The following SH3RF3 variants were observed in gnomAD, a reference collection of about 807,000 sequenced individuals.
SH3RF3 encodes SH3 domain containing ring finger 3.
SH3RF3 carries 29 observed loss-of-function variants against 66.3 expected under a neutral mutation model. The observed-to-expected ratio is 0.44, with a 90% CI of 0.33 to 0.60. The LOEUF is 0.60. Ranked by LOEUF, SH3RF3 falls within the 20% of genes least tolerant of loss-of-function variation. The probability of loss-of-function intolerance (pLI) is 0.04; values close to 1 mark genes in which losing one functional copy is unlikely to be tolerated. For missense variants in SH3RF3, 1,194 were observed against 1,190.9 expected, an observed-to-expected ratio of 1.00 and a Z score of -0.04; for synonymous variants, 583 against 532.0, an observed-to-expected ratio of 1.10 and a Z score of -1.32.
intron 8 of SH3RF3, among the ~76,000 whole-genome samples, chr2:109,478,962 C>T (rs1678761559): frequency 6.6e-6 from 1 of 152,172 alleles, no homozygotes; most frequent in South Asian, 2.1e-4. Context: ...ATGTTTAGGC[C>T]TTAGCTGAGA....
At chr2:109,201,729 G>A (rs1163345322) in intron 1 of SH3RF3, among the ~76,000 whole-genome samples, 3 of 152,234 alleles carry the variant, frequency 2.0e-5, no homozygotes, top group African/African-American at 7.2e-5. Context: ...GCCACGTACA[G>A]CCCAGGGGCA....
chr2:109,340,985 C>T (rs2105527671), intron 1 of SH3RF3, among the ~76,000 whole-genome samples: 1 of 152,350 alleles, frequency 6.6e-6, no homozygotes, highest in Non-Finnish European at 1.5e-5. Context: ...TAGCTGTAGA[C>T]AATTTATGTC....
At chr2:109,275,302 C>T (rs992741800) in intron 1 of SH3RF3, among the ~76,000 whole-genome samples, 1 of 152,150 alleles carries the variant, frequency 6.6e-6, no homozygotes, top group Non-Finnish European at 1.5e-5. Context: ...CCTAGAGGCA[C>T]ACCAGGGGAA....
intron 1 of SH3RF3, among the ~76,000 whole-genome samples, chr2:109,236,750 A>G (rs531609267): frequency 1.3e-5 from 2 of 152,308 alleles, no homozygotes; most frequent in East Asian, 3.9e-4. Flanking sequence ...TCCTGTTTGC[A>G]AACTGGTGCT....
At chr2:109,231,720 C>T (rs145568178) in intron 1 of SH3RF3, among the ~76,000 whole-genome samples, 2 of 152,238 alleles carry the variant, frequency 1.3e-5, no homozygotes, top group East Asian at 3.9e-4. Context: ...TAAATCTTAC[C>T]GTGCATGCTA....
At chr2:109,491,593 C>T (rs1679132903) in intron 9 of SH3RF3, among the ~76,000 whole-genome samples, 1 of 152,274 alleles carries the variant, frequency 6.6e-6, no homozygotes, top group Non-Finnish European at 1.5e-5. Flanking sequence ...TGTGGGGCTG[C>T]AGGTGCTTGG....
chr2:109,378,760 T>C (rs1386217133), intron 3 of SH3RF3, among the ~76,000 whole-genome samples: 2 of 152,206 alleles, frequency 1.3e-5, no homozygotes, highest in Non-Finnish European at 2.9e-5. Flanking sequence ...CCATGACTTA[T>C]GAGGCTTCCA....
At chr2:109,413,154 G>C (rs535104104) in intron 4 of SH3RF3, among the ~76,000 whole-genome samples, 1 of 152,094 alleles carries the variant, frequency 6.6e-6, no homozygotes, top group African/African-American at 2.4e-5. Flanking sequence ...TTGCTCTGTC[G>C]CCCAGGCTGG....
chr2:109,268,300 G>T (rs370040590), intron 1 of SH3RF3, among the ~76,000 whole-genome samples: 1 of 150,800 alleles, frequency 6.6e-6, no homozygotes, highest in Non-Finnish European at 1.5e-5. Context: ...AGGTGGGATT[G>T]GGGGACAGTC....
intron 1 of SH3RF3, among the ~76,000 whole-genome samples, chr2:109,323,342 C>T (rs1682074297): frequency 6.6e-6 from 1 of 152,164 alleles, no homozygotes; most frequent in Admixed American, 6.5e-5. Flanking sequence ...GAAGAAGATA[C>T]CTGTATGACT....
rs561343811 is a variant in SH3RF3, at chr2:109,134,266, C to T, written c.573+4153C>T. ...GATTCTGTTCCTCCGCCCTTCTGTC[C>T]AGTTTGGCTGGATGGTTGGGATGTT... On this transcript the variant is annotated intron_variant, in intron 1 of 9. Coordinates refer to ENST00000309415, the MANE Select transcript of SH3RF3 (RefSeq NM_001099289.3). Among the ~76,000 whole-genome samples, 3 of 152,244 alleles carry T rather than the reference C, an allele frequency of 2.0e-5. No homozygotes were observed. The South Asian group carries it at 6.2e-4, about 32-fold the overall frequency.
At chr2:109,399,362 C>T (rs770087827) in intron 4 of SH3RF3, among the ~76,000 whole-genome samples, 1 of 151,974 alleles carries the variant, frequency 6.6e-6, no homozygotes, top group African/African-American at 2.4e-5. Flanking sequence ...AGTCAGAGCT[C>T]AGAATCAGAA....
At chr2:109,289,875 G>T (rs1016166359) in intron 1 of SH3RF3, among the ~76,000 whole-genome samples, 6 of 152,178 alleles carry the variant, frequency 3.9e-5, no homozygotes, top group Non-Finnish European at 5.9e-5. Context: ...TCGCATTGCG[G>T]GTTTGAACCA....
intron 1 of SH3RF3, among the ~76,000 whole-genome samples, chr2:109,267,797 G>T (rs1240892859): frequency 1.3e-5 from 2 of 152,234 alleles, no homozygotes; most frequent in Admixed American, 6.5e-5. Flanking sequence ...GCCGAGTCAA[G>T]CCCTGTTGGG....
At chr2:109,328,565 G>A (rs1232890236) in intron 1 of SH3RF3, among the ~76,000 whole-genome samples, 8 of 152,146 alleles carry the variant, frequency 5.3e-5, no homozygotes, top group Non-Finnish European at 7.4e-5. Context: ...CTCTGATTTC[G>A]ACAGTGCATT....
chr2:109,152,730 G>T lies in SH3RF3; in HGVS notation c.573+22617G>T, dbSNP rs557819712. On this transcript the variant is annotated intron_variant, in intron 1 of 9. Transcript: ENST00000309415. ...AAATTCAATTAATGGGTTCCAACTT[G>T]AGTAGGCATGGGCAGAGGGGCGGGG... Among the ~76,000 whole-genome samples the T allele has an allele frequency of 7.9e-5, 12 of 152,288 alleles. No homozygotes were observed. In the East Asian group the frequency reaches 2.3e-3, roughly 29 times the overall value.
At chr2:109,401,803 C>A (rs1204956354) in intron 4 of SH3RF3, among the ~76,000 whole-genome samples, 1 of 152,184 alleles carries the variant, frequency 6.6e-6, no homozygotes, top group African/African-American at 2.4e-5. Context: ...GCAGAGGGAA[C>A]CTTTCTAAGC....
chr2:109,378,772 T>C (rs1259232863), intron 3 of SH3RF3, among the ~76,000 whole-genome samples: 4 of 152,206 alleles, frequency 2.6e-5, no homozygotes, highest in Non-Finnish European at 1.5e-5. Flanking sequence ...AGGCTTCCAC[T>C]CTGGAAGTTG....
intron 1 of SH3RF3, among the ~76,000 whole-genome samples, chr2:109,132,314 G>T (rs6736616): frequency 6.6e-6 from 1 of 151,852 alleles, no homozygotes; most frequent in African/African-American, 2.4e-5. Flanking sequence ...ATTTTGTTAC[G>T]GTTCAATATT....
Sources: allele counts gnomAD v4.1 joint callset (sites outside exome capture counted in the v4.1 genomes callset), GRCh38; gene constraint gnomAD v4.1.1; transcripts MANE v1.5; gene names NCBI Gene and HGNC (gene_info 2026-07-23, HGNC 2026-07-21).